Variants in NRXN3 observed in about 807,000 individuals in gnomAD.
The protein encoded by NRXN3 is neurexin III.
A neutral mutation model predicts 137.6 loss-of-function variants in NRXN3; 32 were observed. The observed-to-expected ratio is 0.23, with a 90% CI of 0.18 to 0.31. NRXN3 has a LOEUF of 0.31. Among genes scored for constraint, NRXN3 ranks in the 10% least tolerant of loss-of-function variants. NRXN3 has a pLI of 1.00. For missense variants in NRXN3, 1,574 were observed against 2,062.5 expected, an observed-to-expected ratio of 0.76 and a Z score of 4.59; for synonymous variants, 798 against 784.5, an observed-to-expected ratio of 1.02 and a Z score of -0.29.
rs74543550 is a variant in NRXN3, at chr14:78,704,231, A to G, written c.1222-4986A>G. Reference sequence around the variant, plus strand: ...GGTTAGAATACTCTCTCTTTTTCCAATCAAGTGGGTTGGGCAAGAGGGCAG... The same window carrying G: ...GGTTAGAATACTCTCTCTTTTTCCAGTCAAGTGGGTTGGGCAAGAGGGCAG... On this transcript the variant is annotated intron_variant, in intron 6 of 20. Coordinates refer to ENST00000335750, the MANE Select transcript of NRXN3 (RefSeq NM_001330195.2). Among the ~76,000 whole-genome samples the G allele has an allele frequency of 5.3e-3, 803 of 152,252 alleles. 7 individuals carry two copies. Among genetic ancestry groups the G allele is most frequent in the Middle Eastern group, 0.024 (7 of 294 alleles).
chr14:79,025,476 C>T (rs958996541), intron 15 of NRXN3, among the ~76,000 whole-genome samples: 17 of 152,218 alleles, frequency 1.1e-4, no homozygotes, highest in South Asian at 4.1e-4. Context: ...TGTGTTCCCC[C>T]GATACCTTGT....
intron 14 of NRXN3, among the ~76,000 whole-genome samples, chr14:78,980,805 A>G (rs2099487358): frequency 6.6e-6 from 1 of 152,220 alleles, no homozygotes; most frequent in Non-Finnish European, 1.5e-5. Flanking sequence ...CATCTTATTC[A>G]GTCTTTCCAG....
intron 4 of NRXN3, among the ~76,000 whole-genome samples, chr14:78,507,131 C>T (rs1337071484): frequency 6.6e-6 from 1 of 152,114 alleles, no homozygotes; most frequent in East Asian, 1.9e-4. Context: ...CTATGTCACT[C>T]AAATAACGGG....
At chr14:79,855,979 G>A (rs1173511984) in intron 20 of NRXN3, among the ~76,000 whole-genome samples, 2 of 152,172 alleles carry the variant, frequency 1.3e-5, no homozygotes, top group Non-Finnish European at 2.9e-5. Flanking sequence ...CTCTTAATAA[G>A]CAAATGAAAC....
At chr14:78,556,656 C>CT (rs1236312371) in intron 4 of NRXN3, among the ~76,000 whole-genome samples, 1 of 152,116 alleles carries the variant, frequency 6.6e-6, no homozygotes, top group Non-Finnish European at 1.5e-5. Flanking sequence ...AGATTCTTTG[C>CT]TATGGGAGTG....
intron 15 of NRXN3, among the ~76,000 whole-genome samples, chr14:79,285,567 T>C (rs950592267): frequency 6.6e-6 from 1 of 152,190 alleles, no homozygotes; most frequent in African/African-American, 2.4e-5. Context: ...ATCTCTCTCC[T>C]TGGCTTGCAG....
intron 19 of NRXN3, among the ~76,000 whole-genome samples, chr14:79,788,005 C>G (rs2099134338): frequency 1.3e-5 from 2 of 152,106 alleles, no homozygotes; most frequent in African/African-American, 4.8e-5. Context: ...AAAGACATAC[C>G]TGAGACTGGC....
At chr14:78,233,916 C>A (rs2065821993) in intron 1 of NRXN3, among the ~76,000 whole-genome samples, 1 of 152,112 alleles carries the variant, frequency 6.6e-6, no homozygotes, top group African/African-American at 2.4e-5. Flanking sequence ...TAGCTGTGTC[C>A]CCACCCAAAT....
rs1196664217 is a variant in NRXN3, at chr14:79,241,301, C to T, written c.3263-225920C>T. 5.9e-5 allele frequency among the ~76,000 whole-genome samples: 9 copies of T among 152,208 alleles called. No homozygotes were observed. The South Asian group carries it at 1.7e-3, about 28-fold the overall frequency. On this transcript the variant is annotated intron_variant, in intron 15 of 20. Transcript: ENST00000335750. ...AAAAAGAGAATCATGGCCAAGGTGG[C>T]TGTATTAGTCTGTTCTCATGCTGCT...
At chr14:79,186,506 A>G (rs2063562491) in intron 15 of NRXN3, among the ~76,000 whole-genome samples, 1 of 152,202 alleles carries the variant, frequency 6.6e-6, no homozygotes, top group African/African-American at 2.4e-5. Context: ...TGATTTTTTC[A>G]TGCTTTCAGT....
chr14:79,606,775 T>C (rs906244180), intron 16 of NRXN3, among the ~76,000 whole-genome samples: 7 of 152,166 alleles, frequency 4.6e-5, no homozygotes, highest in Non-Finnish European at 7.3e-5. Flanking sequence ...TTCAAGGAAC[T>C]CAGTCAATAA....
chr14:78,391,906 G>C (rs2153642544), intron 4 of NRXN3, among the ~76,000 whole-genome samples: 1 of 152,196 alleles, frequency 6.6e-6, no homozygotes, highest in South Asian at 2.1e-4. Flanking sequence ...AGAATGGAAG[G>C]ATGAGGTGTG....
chr14:78,377,411 A>C (rs978056359), intron 4 of NRXN3, among the ~76,000 whole-genome samples: 1 of 152,230 alleles, frequency 6.6e-6, no homozygotes, highest in Non-Finnish European at 1.5e-5. Flanking sequence ...GTGAAGCACA[A>C]ATAGACTAAA....
At chr14:79,253,949 T>C (rs1597868811) in intron 15 of NRXN3, among the ~76,000 whole-genome samples, 1 of 152,358 alleles carries the variant, frequency 6.6e-6, no homozygotes, top group African/African-American at 2.4e-5. Flanking sequence ...AATACATTTG[T>C]AAGTTCATAG....
At chr14:78,632,514 A>G (rs1439975236) in intron 4 of NRXN3, among the ~76,000 whole-genome samples, 2 of 152,198 alleles carry the variant, frequency 1.3e-5, no homozygotes, top group African/African-American at 4.8e-5. Context: ...AGCATGATCT[A>G]ATGGAAAGCA....
chr14:79,331,641 AC>A (rs1055477570), intron 15 of NRXN3, among the ~76,000 whole-genome samples: 3 of 152,120 alleles, frequency 2.0e-5, no homozygotes, highest in African/African-American at 7.2e-5. Context: ...ACCTTTAATT[AC>A]CCACCACCGT....
chr14:79,076,044 G>A lies in NRXN3; in HGVS notation c.3262+87903G>A, dbSNP rs567402540. On this transcript the variant is annotated intron_variant, in intron 15 of 20. Coordinates refer to ENST00000335750, the MANE Select transcript of NRXN3 (RefSeq NM_001330195.2). The stretch of plus-strand genomic sequence containing the variant: ...ACTTTGTGGTAAATTCAAGCACCTC[G>A]TGCAACTTTGTGGTAAAAACCATCC... 5.7e-4 allele frequency among the ~76,000 whole-genome samples: 87 copies of A among 152,220 alleles called. 1 individual carries two copies. In the South Asian group the frequency reaches 0.016, roughly 28 times the overall value.
At chr14:79,338,550 C>G (rs995570543) in intron 15 of NRXN3, among the ~76,000 whole-genome samples, 1 of 152,022 alleles carries the variant, frequency 6.6e-6, no homozygotes, top group Non-Finnish European at 1.5e-5. Context: ...TGACTTTGGA[C>G]AATTTATGTA....
At chr14:79,537,256 T>C (rs1055774619) in intron 16 of NRXN3, among the ~76,000 whole-genome samples, 1 of 152,114 alleles carries the variant, frequency 6.6e-6, no homozygotes, top group African/African-American at 2.4e-5. Flanking sequence ...GCATAAATGT[T>C]TTCTTTTGAG....
Sources: gnomAD v4.1 joint callset for allele counts (sites outside exome capture counted in the v4.1 genomes callset) on GRCh38, gnomAD v4.1.1 for gene constraint, MANE v1.5 for transcripts, NCBI Gene and HGNC (gene_info 2026-07-23, HGNC 2026-07-21) for gene names.